GLT1D1: variants seen among roughly 807,000 people sequenced by gnomAD.
The protein encoded by GLT1D1 is glycosyltransferase 1 domain-containing protein 1.
Under a neutral mutation model 28.7 loss-of-function variants are expected in GLT1D1, and 21 were observed. The observed-to-expected ratio is 0.73, with a 90% CI of 0.52 to 1.05. GLT1D1 has a LOEUF of 1.05. Among genes scored for constraint, GLT1D1 ranks in the 50% least tolerant of loss-of-function variants. GLT1D1 has a pLI of 0.00. For missense variants in GLT1D1, 343 were observed against 330.6 expected (o/e 1.04, Z -0.29); for synonymous variants, 147 against 124.8 (o/e 1.18, Z -1.19).
chr12:128,879,620 C>A (rs1435122427), intron 2 of GLT1D1, among the ~76,000 whole-genome samples: 1 of 151,864 alleles, frequency 6.6e-6, no homozygotes, highest in Non-Finnish European at 1.5e-5. Context: ...CCATGCCCAG[C>A]TACTTTTTGT....
chr12:128,975,174 G>C (rs1311625237), intron 7 of GLT1D1, among the ~76,000 whole-genome samples: 1 of 152,146 alleles, frequency 6.6e-6, no homozygotes, highest in African/African-American at 2.4e-5. Context: ...TGAGCACGGA[G>C]CCTCCCTGGC....
At chr12:128,909,634 A>G (rs1871321620) in intron 4 of GLT1D1, among the ~76,000 whole-genome samples, 1 of 152,208 alleles carries the variant, frequency 6.6e-6, no homozygotes, top group Non-Finnish European at 1.5e-5. Context: ...CATTTGCAGA[A>G]AGTTTAATTT....
At chr12:128,968,423 C>A (rs1339835772) in intron 7 of GLT1D1, among the ~76,000 whole-genome samples, 1 of 151,808 alleles carries the variant, frequency 6.6e-6, no homozygotes, top group African/African-American at 2.4e-5. Context: ...GTCATCCCAG[C>A]ACTTTGGGAG....
At chr12:128,877,201 T>C (rs1204826414) in intron 2 of GLT1D1, among the ~76,000 whole-genome samples, 1 of 152,178 alleles carries the variant, frequency 6.6e-6, no homozygotes, top group Non-Finnish European at 1.5e-5. Context: ...GATATTTTTG[T>C]TATTGTCTGG....
At chr12:128,955,181 T>C (rs183821153) in intron 6 of GLT1D1, among the ~76,000 whole-genome samples, 4 of 152,278 alleles carry the variant, frequency 2.6e-5, no homozygotes, top group African/African-American at 9.6e-5. Flanking sequence ...TGATTATCTG[T>C]TTACTTTTAA....
chr12:128,972,640 G>A (rs1035719020), intron 7 of GLT1D1, among the ~76,000 whole-genome samples: 8 of 152,174 alleles, frequency 5.3e-5, no homozygotes, highest in South Asian at 2.1e-4. Context: ...GGATTATCTC[G>A]TTTAACCTGC....
rs373877202 is a variant in GLT1D1 at position 128,983,136 on chromosome 12, G to T, written c.*46G>T. ...CCTGCTCTCTGACACACAGCTCTGG[G>T]TGCACACTCAGAGACAGAGTTCTGG... On this transcript the variant is annotated 3_prime_UTR_variant, in exon 8 of 8. Coordinates refer to ENST00000281703, the MANE Select transcript of GLT1D1 (RefSeq NM_144669.3). The surrounding 1 kb of genome is among the most constrained non-coding windows in gnomAD (Gnocchi z 4.7). The T allele has an allele frequency of 2.5e-6, 4 of 1,569,730 alleles. No individual in the cohort carries two copies. In the African/African-American group the frequency reaches 4.1e-5, roughly 16 times the overall value.
chr12:128,934,582 G>A (rs1217594809), intron 4 of GLT1D1, among the ~76,000 whole-genome samples: 1 of 152,108 alleles, frequency 6.6e-6, no homozygotes, highest in African/African-American at 2.4e-5. Flanking sequence ...CTAGTTCGCA[G>A]GAGGTCCCAA....
chr12:128,858,493 G>A (rs554988271), intron 1 of GLT1D1, among the ~76,000 whole-genome samples: 30 of 152,222 alleles, frequency 2.0e-4, no homozygotes, highest in African/African-American at 6.3e-4. Flanking sequence ...CCAACATGGT[G>A]AAACCCCGTC....
chr12:128,903,021 C>CA (rs34692166), intron 4 of GLT1D1, among the ~76,000 whole-genome samples: 12,270 of 114,786 alleles, frequency 0.11, 684 homozygotes, highest in East Asian at 0.3. Flanking sequence ...GACTCCGTCT[C>CA]AAAAAAAAAA....
At chr12:128,939,919 GTGGGGACAC>G (rs940168206) in intron 4 of GLT1D1, among the ~76,000 whole-genome samples, 1 of 150,484 alleles carries the variant, frequency 6.6e-6, no homozygotes, top group African/African-American at 2.5e-5. Flanking sequence ...GGAGATTTGG[GTGGGGACAC>G]AGATCCAAAC....
rs1877557032 is a variant in GLT1D1 at position 128,958,660 on chromosome 12, T to C, written c.639+1017T>C. Among the ~76,000 whole-genome samples the C allele has an allele frequency of 2.4e-5, 3 of 125,556 alleles. No individual in the cohort carries two copies. In the Admixed American group the frequency reaches 3.0e-4, roughly 12 times the overall value. 82.4% of individuals were successfully genotyped at this position (125,556 alleles called of 152,430 possible). ...AGCTACTCAGGAGGCCAAGGCAGGA[T>C]AATCACTTGAACTCGGGAGATGGAG... On this transcript the variant is annotated intron_variant, in intron 7 of 7. Coordinates refer to ENST00000281703, the MANE Select transcript of GLT1D1 (RefSeq NM_144669.3).
intron 6 of GLT1D1, among the ~76,000 whole-genome samples, chr12:128,948,883 A>T (rs544998032): frequency 1.3e-5 from 2 of 152,168 alleles, no homozygotes; most frequent in African/African-American, 2.4e-5. Flanking sequence ...GACCCCAAAG[A>T]AAAAAACACA....
At chr12:128,901,439 A>AT (rs35060673) in intron 4 of GLT1D1, among the ~76,000 whole-genome samples, 69 of 141,230 alleles carry the variant, frequency 4.9e-4, no homozygotes, top group Middle Eastern at 3.6e-3. Flanking sequence ...TCTCTCTCTC[A>AT]TTTTTTTTTT....
At chr12:128,977,127 CAG>C (rs1026315858) in intron 7 of GLT1D1, among the ~76,000 whole-genome samples, 1 of 152,202 alleles carries the variant, frequency 6.6e-6, no homozygotes, top group East Asian at 1.9e-4. Context: ...GCCTGGGCGA[CAG>C]AGAGAGACTC....
intron 4 of GLT1D1, 104 bp from the exon 9 acceptor site, chr12:128,945,222 C>A: frequency 8.4e-7 from 1 of 1,192,800 alleles, no homozygotes; most frequent in Non-Finnish European, 1.2e-6. Flanking sequence ...CAGACCGAGG[C>A]CCACGCCGCG....
chr12:128,980,458 G>A (rs1024076127), intron 7 of GLT1D1, among the ~76,000 whole-genome samples: 7 of 152,224 alleles, frequency 4.6e-5, no homozygotes, highest in African/African-American at 1.2e-4. Flanking sequence ...TACAACTACC[G>A]CCATTTGATT....
chr12:128,965,315 C>A (rs59186766), intron 7 of GLT1D1, among the ~76,000 whole-genome samples: 10,781 of 152,204 alleles, frequency 0.071, 626 homozygotes, highest in African/African-American at 0.16. Context: ...TGGTTGACAG[C>A]CAGTGGGAGA....
chr12:128,919,676 A>G (rs1872455332), intron 4 of GLT1D1, among the ~76,000 whole-genome samples: 1 of 152,236 alleles, frequency 6.6e-6, no homozygotes, highest in African/African-American at 2.4e-5. Context: ...GATATTGACA[A>G]TAGCTATTCT....
Sources: allele counts gnomAD v4.1 joint callset (sites outside exome capture counted in the v4.1 genomes callset), GRCh38; gene constraint gnomAD v4.1.1; non-coding constraint Gnocchi (gnomAD v3.1); transcripts MANE v1.5; gene names NCBI Gene and HGNC (gene_info 2026-07-23, HGNC 2026-07-21).